NMT1: variants seen among roughly 807,000 people sequenced by gnomAD.
NMT1 encodes glycylpeptide N-tetradecanoyltransferase 1.
Under a neutral mutation model 63.4 loss-of-function variants are expected in NMT1, and 12 were observed. The observed-to-expected ratio is 0.19, with a 90% CI of 0.12 to 0.31. The LOEUF (loss-of-function observed/expected upper bound fraction) is 0.31. NMT1 is among the 10% of genes least tolerant of loss of function. NMT1 has a pLI of 1.00. For synonymous variants in NMT1, 228 were observed against 234.3 expected, an observed-to-expected ratio of 0.97 and a Z score of 0.25; for missense variants, 432 against 634.6, an observed-to-expected ratio of 0.68 and a Z score of 3.43.
intron 3 of NMT1, among the ~76,000 whole-genome samples, chr17:45,087,207 A>AG (rs1330721551): frequency 6.6e-6 from 1 of 151,874 alleles, no homozygotes; most frequent in Non-Finnish European, 1.5e-5. Context: ...ACAAAACAAA[A>AG]CTATTGGCAC....
At chr17:45,099,745 G>C in intron 8 of NMT1, 2 of 534,318 alleles carry the variant, frequency 3.7e-6, no homozygotes, top group East Asian at 6.3e-5. Flanking sequence ...TAGCTTCTCT[G>C]CCATCTGTTG....
Position 45,061,435 on chromosome 17 carries a change from G to A in NMT1, c.106G>A (p.Glu36Lys). Residue 36 changes from glutamate to lysine, a missense_variant, in exon 1 of 12, where the codon GAG becomes AAG. Coordinates refer to ENST00000258960, the MANE Select transcript of NMT1 (RefSeq NM_021079.5). ...TGAGCACTGCAGCGATTGCGAGAAT[G>A]AGGAGGACAACAGCTACAACCGGGG... ...GHEHCSDCEN[E>K]EDNSYNRGGL... is the part of the protein sequence containing the mutation. 1 of 1,613,824 alleles carries A rather than the reference G, an allele frequency of 6.2e-7. No homozygotes were observed. Among genetic ancestry groups the A allele is most frequent in the Non-Finnish European group, 8.5e-7 (1 of 1,179,920 alleles).
chr17:45,103,128 C>A lies in NMT1; in HGVS notation c.1164+7C>A. 1 of 1,603,160 alleles carries A rather than the reference C, an allele frequency of 6.2e-7. No homozygotes were observed. Among genetic ancestry groups the A allele is most frequent in the South Asian group, 1.1e-5 (1 of 90,642 alleles). On this transcript the variant is annotated splice_region_variant and intron_variant, in intron 9 of 11. Coordinates refer to ENST00000258960, the MANE Select transcript of NMT1 (RefSeq NM_021079.5). This position sits in a 1 kb window ranked among gnomAD's most constrained non-coding sequence, Gnocchi z 4.8. ...CGACACTTTCGTGGTGGAGGTGAGT[C>A]AGGGAGTGGTGTTCCAGGTCTCTAA...
At chr17:45,071,323 T>C (rs1413780315) in intron 1 of NMT1, 2 of 152,266 alleles carry the variant, frequency 1.3e-5, no homozygotes, top group East Asian at 3.9e-4. Flanking sequence ...GCCTCCCGAG[T>C]GACTGGGACT....
chr17:45,085,917 G>C (rs576711529), intron 2 of NMT1, among the ~76,000 whole-genome samples: 2 of 151,850 alleles, frequency 1.3e-5, no homozygotes, highest in South Asian at 4.2e-4. Context: ...TGCCTCCCAG[G>C]TTCAAGCAAT....
At chr17:45,079,583 A>G (rs1219965985) in intron 1 of NMT1, among the ~76,000 whole-genome samples, 1 of 152,218 alleles carries the variant, frequency 6.6e-6, no homozygotes, top group Non-Finnish European at 1.5e-5. Context: ...AGGCTAAGAA[A>G]CTTTTTGCTT....
chr17:45,098,390 A>T lies in NMT1; in HGVS notation c.722A>T (p.Lys241Met), dbSNP rs758261924. Residue 241 changes from lysine to methionine, a missense_variant, in exon 7 of 12, where the codon AAG becomes ATG. Physicochemically the swap from Lys to Met is moderately conservative, Grantham distance 95. Coordinates refer to ENST00000258960, the MANE Select transcript of NMT1 (RefSeq NM_021079.5). ...ANIHIYDTEK[K>M]MVEINFLCVH... ...ATTTTTCCCCCTCTTAGAGAGAAGA[A>T]GATGGTAGAGATCAACTTCCTGTGT... The T allele has an allele frequency of 2.5e-6, 4 of 1,613,930 alleles. No individual in the cohort carries two copies. Among genetic ancestry groups the T allele is most frequent in the African/African-American group, 2.7e-5 (2 of 74,928 alleles).
chr17:45,081,972 C>T (rs963579027), intron 2 of NMT1, among the ~76,000 whole-genome samples: 3 of 152,202 alleles, frequency 2.0e-5, no homozygotes, highest in Non-Finnish European at 4.4e-5. Flanking sequence ...GACTCCCAAG[C>T]ATGGTGCCCA....
intron 1 of NMT1, among the ~76,000 whole-genome samples, chr17:45,068,934 GC>G (rs1289988776): frequency 6.6e-6 from 1 of 151,448 alleles, no homozygotes. Flanking sequence ...ACAGGCGTGA[GC>G]CACCATGCCT....
chr17:45,089,466 C>T (rs768006498), intron 3 of NMT1, among the ~76,000 whole-genome samples: 13 of 151,796 alleles, frequency 8.6e-5, no homozygotes, highest in Non-Finnish European at 1.6e-4. Context: ...CTCAGCCTCC[C>T]GAGTAGTTGG....
rs115060988 is a variant in NMT1, at chr17:45,098,954, T to C, written c.884+402T>C. On this transcript the variant is annotated intron_variant, in intron 7 of 11. Coordinates refer to ENST00000258960, the MANE Select transcript of NMT1 (RefSeq NM_021079.5). The stretch of plus-strand genomic sequence containing the variant: ...CAAATAGAGCAAGTCAGCTATGTGA[T>C]CTAAGGGCAACCTCTGCCTTAGAAA... The C allele has an allele frequency of 2.7e-3, 611 of 229,914 alleles. 4 individuals carry two copies. Among genetic ancestry groups the C allele is most frequent in the African/African-American group, 0.013 (585 of 45,098 alleles). 14.2% of individuals were successfully genotyped at this position (229,914 alleles called of 1,614,324 possible).
At chr17:45,068,463 C>T (rs962503262) in intron 1 of NMT1, among the ~76,000 whole-genome samples, 1 of 152,260 alleles carries the variant, frequency 6.6e-6, no homozygotes, top group African/African-American at 2.4e-5. Flanking sequence ...CAGAGAGAGC[C>T]TCCATCTCAA....
chr17:45,107,138 C>G lies in NMT1; in HGVS notation c.*1499C>G, dbSNP rs1269636882. The G allele has an allele frequency of 6.6e-6, 1 of 152,266 alleles. No individual in the cohort carries two copies. The highest frequency in any genetic ancestry group is 1.9e-4 in the East Asian group (1 of 5,206). 9.4% of individuals were successfully genotyped at this position (152,266 alleles called of 1,614,324 possible). On this transcript the variant is annotated 3_prime_UTR_variant, in exon 12 of 12. Transcript: ENST00000258960. ...ATGAAGCCTTAGCCAGGAGGCCAGG[C>G]TCAGCCCTGTGCCACTCACCGAAGC... is the stretch of plus-strand genomic sequence containing the variant.
chr17:45,106,293 G>A lies in NMT1; in HGVS notation c.*654G>A, dbSNP rs1485040927. 2 of 152,666 alleles carry A rather than the reference G, an allele frequency of 1.3e-5. No homozygotes were observed. The highest frequency in any genetic ancestry group is 4.8e-5 in the African/African-American group (2 of 41,446). The allele number at this position is 152,666 out of a possible 1,614,324, so 9.5% of individuals were successfully genotyped here. On this transcript the variant is annotated 3_prime_UTR_variant, in exon 12 of 12. Transcript: ENST00000258960. ...TCTTGGCTGGGGCTGACCCTGGGCA[G>A]GGACTTTCCTGCAGGGCCAGACCTG...
At position 45,105,961 on chromosome 17, in the gene NMT1, A is replaced by ATATATT; in HGVS notation, c.*327_*328insTTATAT. 1 of 152,242 alleles carries ATATATT rather than the reference A, an allele frequency of 6.6e-6. No individual in the cohort carries two copies. Among genetic ancestry groups the ATATATT allele is most frequent in the Non-Finnish European group, 1.4e-5 (1 of 69,614 alleles). 9.4% of individuals were successfully genotyped at this position (152,242 alleles called of 1,614,324 possible). Reference sequence around the variant, plus strand: ...GAGTTAACGGGTGAATAATAAAAGTATATATATATATTATATATATATAAA... The same window carrying ATATATT: ...GAGTTAACGGGTGAATAATAAAAGTATATATTTATATATATATTATATATATATAAA... On this transcript the variant is annotated 3_prime_UTR_variant, in exon 12 of 12. Transcript: ENST00000258960. The surrounding 1 kb of genome is among the most constrained non-coding windows in gnomAD (Gnocchi z 4.2).
chr17:45,072,282 A>G (rs2053945302), intron 1 of NMT1, among the ~76,000 whole-genome samples: 1 of 149,282 alleles, frequency 6.7e-6, no homozygotes, highest in African/African-American at 2.5e-5. Flanking sequence ...GTATTTTTTT[A>G]TTTGAGATGG....
chr17:45,094,070 C>G (rs1567869510), intron 4 of NMT1, among the ~76,000 whole-genome samples: 1 of 152,166 alleles, frequency 6.6e-6, no homozygotes, highest in Non-Finnish European at 1.5e-5. Context: ...TTCATTTCCT[C>G]ATTTTCTTTC....
rs2143534262 is a variant in NMT1 at position 45,108,791 on chromosome 17, G to A, written c.*3152G>A. ...CTGCAAGCCGACTACACCTACGGAG[G>A]CTGTTGAGGACAATTTCATTCCATT... On this transcript the variant is annotated 3_prime_UTR_variant, in exon 12 of 12. Coordinates refer to ENST00000258960, the MANE Select transcript of NMT1 (RefSeq NM_021079.5). 6.6e-6 allele frequency: 1 copy of A among 152,398 alleles called. No individual in the cohort carries two copies. 9.4% of individuals were successfully genotyped at this position (152,398 alleles called of 1,614,324 possible).
chr17:45,087,111 A>C (rs2054060032), intron 3 of NMT1, among the ~76,000 whole-genome samples: 1 of 152,018 alleles, frequency 6.6e-6, no homozygotes, highest in Admixed American at 6.6e-5. Context: ...CAGTGAGCTG[A>C]GATCACGCCA....
Sources: allele counts gnomAD v4.1 joint callset (sites outside exome capture counted in the v4.1 genomes callset), GRCh38; gene constraint gnomAD v4.1.1; non-coding constraint Gnocchi (gnomAD v3.1); transcripts MANE v1.5; gene names NCBI Gene and HGNC (gene_info 2026-07-23, HGNC 2026-07-21).